Variants in UIMC1 observed in about 807,000 individuals in gnomAD.
The protein encoded by UIMC1 is BRCA1-A complex subunit RAP80.
In UIMC1, 42 loss-of-function variants were observed where a neutral mutation model predicts 84.9. The observed-to-expected ratio is 0.49, with a 90% CI of 0.39 to 0.64. UIMC1 has a LOEUF of 0.64. Ranked by LOEUF, UIMC1 falls within the 30% of genes least tolerant of loss-of-function variation. The probability of loss-of-function intolerance (pLI) is 0.00; values close to 1 mark genes in which losing one functional copy is unlikely to be tolerated. For missense variants in UIMC1, 825 were observed against 847.6 expected (o/e 0.97, Z 0.33); for synonymous variants, 281 against 293.0 (o/e 0.96, Z 0.42).
chr5:176,996,416 T>A (rs1773620120), intron 1 of UIMC1, among the ~76,000 whole-genome samples: 1 of 152,154 alleles, frequency 6.6e-6, no homozygotes, highest in Non-Finnish European at 1.5e-5. Context: ...TGAGTGGTGT[T>A]AAGTCAATAA....
chr5:176,950,185 C>T lies in UIMC1; in HGVS notation c.1443+1289G>A, dbSNP rs539039699. On this transcript the variant is annotated intron_variant, in intron 9 of 14. Transcript: ENST00000511320. ...CGCGATCTCAGCTCACTGCAACCTC[C>T]GACTCCCAGGTTCAAGCCATTCTCC... 7.4e-5 allele frequency among the ~76,000 whole-genome samples: 11 copies of T among 147,954 alleles called. No homozygotes were observed. In the South Asian group the frequency reaches 2.4e-3, roughly 32 times the overall value.
intron 10 of UIMC1, among the ~76,000 whole-genome samples, chr5:176,918,718 C>G (rs982057151): frequency 2.6e-5 from 4 of 152,180 alleles, no homozygotes; most frequent in African/African-American, 9.7e-5. Context: ...CACGATTACC[C>G]TGTCATATCT....
At chr5:176,995,779 G>A (rs1446473553) in intron 1 of UIMC1, among the ~76,000 whole-genome samples, 1 of 149,120 alleles carries the variant, frequency 6.7e-6, no homozygotes, top group Non-Finnish European at 1.5e-5. Flanking sequence ...GGAGGCAGAG[G>A]TTGCGGTGAG....
Position 176,932,477 on chromosome 5 carries a change from G to A in UIMC1, c.1597+10858C>T, listed in dbSNP as rs556286610. On this transcript the variant is annotated intron_variant, in intron 10 of 14. Coordinates refer to ENST00000511320, the MANE Select transcript of UIMC1 (RefSeq NM_001199298.2). ...GACGTTTATGATGTAATACGGGGGG[G>A]CGGCAAATATAAAAACAGGAGACAG... is the stretch of plus-strand genomic sequence containing the variant. Among the ~76,000 whole-genome samples the A allele has an allele frequency of 7.9e-5, 12 of 152,186 alleles. No homozygotes were observed. In the South Asian group the frequency reaches 2.3e-3, roughly 29 times the overall value.
intron 2 of UIMC1, among the ~76,000 whole-genome samples, chr5:176,979,112 C>G (rs2149498509): frequency 6.6e-6 from 1 of 152,276 alleles, no homozygotes; most frequent in East Asian, 1.9e-4. Context: ...AACAGAGACA[C>G]ACCCATTTAT....
In UIMC1 at chr5:176,968,569, T is replaced by C; in HGVS notation, c.1186A>G (p.Thr396Ala). The C allele has an allele frequency of 1.2e-6, 2 of 1,610,290 alleles. No individual in the cohort carries two copies. Among genetic ancestry groups the C allele is most frequent in the Non-Finnish European group, 1.7e-6 (2 of 1,178,498 alleles). Residue 396 changes from threonine (T) to alanine (A), a missense_variant, in exon 6 of 15, where the codon ACC (threonine) becomes GCC (alanine). Thr to Ala is a moderately conservative substitution (Grantham distance 58). Coordinates refer to ENST00000511320, the MANE Select transcript of UIMC1 (RefSeq NM_001199298.2). Reference sequence around the variant, plus strand: ...CTGACCCTTACCTGACCATGACTGGTTGTTGGTTCTTCCTCCAACAAAAGT... The same window carrying C: ...CTGACCCTTACCTGACCATGACTGGCTGTTGGTTCTTCCTCCAACAAAAGT... ...EKLLLEEEPT[T>A]SHGQSSQGIV... is the part of the protein sequence containing the mutation.
At chr5:177,018,949 A>G (rs530715662) in intron 1 of UIMC1, among the ~76,000 whole-genome samples, 245 of 152,340 alleles carry the variant, frequency 1.6e-3, no homozygotes, top group African/African-American at 5.7e-3. Context: ...TGCGACTTCG[A>G]CAAAAATCCC....
intron 1 of UIMC1, among the ~76,000 whole-genome samples, chr5:177,020,170 G>T (rs1214488555): frequency 6.6e-6 from 1 of 152,080 alleles, no homozygotes; most frequent in Non-Finnish European, 1.5e-5. Context: ...TTGTTCACTG[G>T]GCTCCAGCCA....
intron 4 of UIMC1, 124 bp downstream of exon 4, chr5:176,970,618 G>T: frequency 6.8e-7 from 1 of 1,468,680 alleles, no homozygotes; most frequent in Non-Finnish European, 9.4e-7. Flanking sequence ...ATTACTATGG[G>T]AATTTTTGTT....
intron 10 of UIMC1, among the ~76,000 whole-genome samples, chr5:176,922,262 C>T (rs1469250024): frequency 1.3e-5 from 2 of 152,136 alleles, no homozygotes; most frequent in African/African-American, 2.4e-5. Context: ...ACAGTATCTG[C>T]GTTATAGTTG....
At chr5:177,008,354 C>A, upstream of UIMC1, among the ~76,000 whole-genome samples, 1 of 152,084 alleles carries the variant, frequency 6.6e-6, no homozygotes, top group East Asian at 1.9e-4. Context: ...TCCTCAGCTG[C>A]TGGGACATTC....
At position 176,915,793 on chromosome 5, in the gene UIMC1, C is replaced by CAAAA. The variant is rs58297107; in HGVS notation, c.1598-4408_1598-4405dup. Among the ~76,000 whole-genome samples, 120 of 42,634 alleles carry CAAAA rather than the reference C, an allele frequency of 2.8e-3. 1 individual carries two copies. The highest frequency in any genetic ancestry group is 5.7e-3 in the African/African-American group (65 of 11,382). The allele number at this position is 42,634 out of a possible 152,430, so 28.0% of individuals were successfully genotyped here. A position where few individuals can be genotyped will look rare whatever the true frequency, so the allele number is the denominator to read the frequency against. On this transcript the variant is annotated intron_variant, in intron 10 of 14. Transcript: ENST00000511320. ...AAGTAACCTGATCAAGGTCACAAAG[C>CAAAA]AAAAAAAAAAAAAAAAAAAAAGCAA...
chr5:176,952,667 C>A (rs1766037429), intron 8 of UIMC1, among the ~76,000 whole-genome samples: 1 of 152,146 alleles, frequency 6.6e-6, no homozygotes, highest in Admixed American at 6.5e-5. Flanking sequence ...CACAGTCACT[C>A]ATGCCTGCAA....
chr5:176,963,682 C>G (rs756206945), intron 6 of UIMC1, among the ~76,000 whole-genome samples: 7 of 152,050 alleles, frequency 4.6e-5, no homozygotes, highest in African/African-American at 7.3e-5. Flanking sequence ...CCTCCAGATA[C>G]TGTCATTCTA....
intron 10 of UIMC1, among the ~76,000 whole-genome samples, chr5:176,936,584 T>C (rs748971467): frequency 8.5e-5 from 13 of 152,208 alleles, no homozygotes; most frequent in Non-Finnish European, 1.8e-4. Context: ...CTAAGAACCC[T>C]GTGCTCTGTC....
Position 176,943,447 on chromosome 5 carries a change from A to T in UIMC1, c.1485T>A (p.Ser495=). ...KEDAEKEVAI[S]TFSSSNQVSC... is the part of the protein sequence containing the mutation. The stretch of plus-strand genomic sequence containing the variant: ...ATACCTGGTTACTGGATGAGAAGGT[A>T]GAAATAGCTACTTCCTTCTCAGCAT... The change falls in exon 10 of 15, where the codon TCT becomes TCA. Residue 495 remains serine (S), a synonymous_variant. Coordinates refer to ENST00000511320, the MANE Select transcript of UIMC1 (RefSeq NM_001199298.2). 1 of 1,614,168 alleles carries T rather than the reference A, an allele frequency of 6.2e-7. No individual in the cohort carries two copies. Among genetic ancestry groups the T allele is most frequent in the South Asian group, 1.1e-5 (1 of 91,086 alleles).
chr5:176,922,955 G>A (rs1761887343), intron 10 of UIMC1, among the ~76,000 whole-genome samples: 1 of 152,178 alleles, frequency 6.6e-6, no homozygotes, highest in Non-Finnish European at 1.5e-5. Flanking sequence ...CTTTTTTGCA[G>A]CAAAGAAGGC....
chr5:176,951,847 T>A (rs1765916459), intron 8 of UIMC1, among the ~76,000 whole-genome samples: 1 of 152,242 alleles, frequency 6.6e-6, no homozygotes, highest in African/African-American at 2.4e-5. Flanking sequence ...ACCTCTACGA[T>A]AATCAAGATA....
At chr5:176,943,551 TG>T in intron 9 of UIMC1, 63 bp from the exon 10 acceptor site, 1 of 1,557,656 alleles carries the variant, frequency 6.4e-7, no homozygotes, top group Non-Finnish European at 8.7e-7. Context: ...TACAACGAAC[TG>T]CAAGAGACTC....
Sources: gnomAD v4.1 joint callset for allele counts (sites outside exome capture counted in the v4.1 genomes callset) on GRCh38, gnomAD v4.1.1 for gene constraint, MANE v1.5 for transcripts, NCBI Gene and HGNC (gene_info 2026-07-23, HGNC 2026-07-21) for gene names.